CYFIP2: variants seen among roughly 807,000 people sequenced by gnomAD.
CYFIP2 encodes cytoplasmic FMR1 interacting protein 2, also known as cytoplasmic FMR1-interacting protein 2.
In CYFIP2, 29 loss-of-function variants were observed where a neutral mutation model predicts 158.7. The ratio of observed to expected loss-of-function variants is 0.18; its 90% CI spans 0.14 to 0.25. CYFIP2 has a LOEUF of 0.25. CYFIP2 is among the 10% of genes least tolerant of loss of function. The pLI is 1.00. For missense variants in CYFIP2, 852 were observed against 1,639.5 expected (o/e 0.52, Z 8.29); for synonymous variants, 585 against 617.6 (o/e 0.95, Z 0.78).
intron 21 of CYFIP2, among the ~76,000 whole-genome samples, chr5:157,338,818 C>G (rs1470339913): frequency 6.6e-6 from 1 of 152,208 alleles, no homozygotes; most frequent in African/African-American, 2.4e-5. Context: ...ACCTCCCCTT[C>G]CCCTACCTTG....
chr5:157,312,588 T>G (rs1759824613), intron 11 of CYFIP2, among the ~76,000 whole-genome samples: 1 of 152,224 alleles, frequency 6.6e-6, no homozygotes, highest in African/African-American at 2.4e-5. Flanking sequence ...GACCCACGTA[T>G]GCTCACTGCT....
chr5:157,314,319 G>C (rs368120441), intron 11 of CYFIP2, 25 bp from the exon 12 acceptor site: 1 of 1,610,606 alleles, frequency 6.2e-7, no homozygotes, highest in Admixed American at 1.7e-5. Context: ...CATAGACCAT[G>C]AGTATGACAC....
chr5:157,296,625 G>C, intron 4 of CYFIP2, 48 bp from the exon 5 acceptor site: 1 of 1,547,594 alleles, frequency 6.5e-7, no homozygotes, highest in Non-Finnish European at 8.9e-7. Flanking sequence ...ACAGTAATAA[G>C]ACAACAGGTG....
At chr5:157,353,611 C>T (rs1441997807) in intron 23 of CYFIP2, among the ~76,000 whole-genome samples, 1 of 152,184 alleles carries the variant, frequency 6.6e-6, no homozygotes, top group East Asian at 1.9e-4. Context: ...CAGTCCTTGG[C>T]ACTGTCTTGC....
chr5:157,330,858 G>A lies in CYFIP2; in HGVS notation c.2265+8G>A. 5 of 1,609,142 alleles carry A rather than the reference G, an allele frequency of 3.1e-6. No homozygotes were observed. Among genetic ancestry groups the A allele is most frequent in the Non-Finnish European group, 4.3e-6 (5 of 1,175,482 alleles). On this transcript the variant is annotated splice_region_variant and intron_variant, in intron 20 of 30. Coordinates refer to ENST00000620254, the MANE Select transcript of CYFIP2 (RefSeq NM_001037333.3). ...AAGCAGAGACACGTCCAGGTATGGG[G>A]AGCAGAAGCCACCTTGGAGATGGAA...
chr5:157,358,468 C>T (rs1249425636), intron 23 of CYFIP2, among the ~76,000 whole-genome samples: 2 of 152,200 alleles, frequency 1.3e-5, no homozygotes, highest in South Asian at 2.1e-4. Flanking sequence ...GGCTCGAAAA[C>T]TGTAGGTGGT....
At chr5:157,292,207 T>A (rs1757876955) in intron 3 of CYFIP2, among the ~76,000 whole-genome samples, 1 of 148,876 alleles carries the variant, frequency 6.7e-6, no homozygotes, top group Admixed American at 6.7e-5. Flanking sequence ...TTCTTTTTTC[T>A]TTTTTTATTT....
intron 21 of CYFIP2, among the ~76,000 whole-genome samples, chr5:157,334,053 T>C (rs1761677908): frequency 6.6e-6 from 1 of 152,230 alleles, no homozygotes; most frequent in African/African-American, 2.4e-5. Flanking sequence ...CAAAGGAAGA[T>C]TTCAGTGCCT....
chr5:157,326,856 C>A (rs1761063372), intron 18 of CYFIP2, among the ~76,000 whole-genome samples: 1 of 152,146 alleles, frequency 6.6e-6, no homozygotes, highest in African/African-American at 2.4e-5. Context: ...AAACACAGCG[C>A]TGGGGTTTTG....
At chr5:157,342,835 A>G (rs1762371512) in intron 23 of CYFIP2, 3 of 1,585,852 alleles carry the variant, frequency 1.9e-6, no homozygotes, top group Non-Finnish European at 1.7e-6. Context: ...TTTAGGCTAC[A>G]TGATGCGGGC....
chr5:157,287,040 G>T lies in CYFIP2; in HGVS notation c.139G>T (p.Glu47Ter). 1 of 1,613,404 alleles carries T rather than the reference G, an allele frequency of 6.2e-7. No homozygotes were observed. The highest frequency in any genetic ancestry group is 1.1e-5 in the South Asian group (1 of 91,058). ...ACAGGCTAACTTTGACACAAACTTT[G>T]AGGACAGGAATGCATTTGTCACGGG... The part of the protein sequence containing the change: ...MYQANFDTNF[E>*]DRNAFVTGIA... The change falls in exon 3 of 31, where the codon GAG (glutamate) becomes TAG (stop). Residue 47 changes from glutamate (E) to a stop codon, truncating the protein, a stop_gained. Coordinates refer to ENST00000620254, the MANE Select transcript of CYFIP2 (RefSeq NM_001037333.3). LOFTEE classifies it high-confidence loss of function.
At chr5:157,371,176 C>T (rs1434611081) in intron 26 of CYFIP2, among the ~76,000 whole-genome samples, 1 of 152,098 alleles carries the variant, frequency 6.6e-6, no homozygotes, top group Non-Finnish European at 1.5e-5. Flanking sequence ...TCTGTATCCT[C>T]GGGGCTTAAC....
intron 26 of CYFIP2, among the ~76,000 whole-genome samples, chr5:157,372,072 G>A (rs966535726): frequency 2.0e-5 from 3 of 152,124 alleles, no homozygotes; most frequent in Non-Finnish European, 2.9e-5. Context: ...GTTGAAGTTC[G>A]TTGTTTTTGT....
chr5:157,383,100 C>G lies in CYFIP2; in HGVS notation c.3113-165C>G, dbSNP rs1766290941. 4.9e-6 allele frequency: 3 copies of G among 614,662 alleles called. No individual in the cohort carries two copies. In the Admixed American group the frequency reaches 8.4e-5, roughly 17 times the overall value. The allele number at this position is 614,662 out of a possible 1,614,324, so 38.1% of individuals were successfully genotyped here. The stretch of plus-strand genomic sequence containing the variant: ...TTGGACAAATCATAGAACATTTTTC[C>G]TTGTAAAAACTACTCACACTTTCCA... On this transcript the variant is annotated intron_variant, in intron 27 of 30. Coordinates refer to ENST00000620254, the MANE Select transcript of CYFIP2 (RefSeq NM_001037333.3).
rs10073822 is a variant in CYFIP2, at chr5:157,395,222, G to A, written c.*2222G>A. The A allele has an allele frequency of 0.21, 46,359 of 220,614 alleles. 5,702 individuals carry two copies. Among genetic ancestry groups the A allele is most frequent in the African/African-American group, 0.36 (14,943 of 41,898 alleles). 13.7% of individuals were successfully genotyped at this position (220,614 alleles called of 1,614,324 possible). On this transcript the variant is annotated 3_prime_UTR_variant, in exon 31 of 31. Coordinates refer to ENST00000620254, the MANE Select transcript of CYFIP2 (RefSeq NM_001037333.3). ...TGGCTTGCCAGTGGCACTGATTTCC[G>A]AACACCCAATGAGTTTAATATTCTT... is the stretch of plus-strand genomic sequence containing the variant.
intron 23 of CYFIP2, among the ~76,000 whole-genome samples, chr5:157,349,571 T>C (rs1762935976): frequency 6.6e-6 from 1 of 152,256 alleles, no homozygotes; most frequent in African/African-American, 2.4e-5. Flanking sequence ...ATTGTGCTGC[T>C]ATAAACATGC....
At chr5:157,390,770 C>T (rs1197889294) in intron 30 of CYFIP2, 102 bp downstream of exon 30, 4 of 1,515,966 alleles carry the variant, frequency 2.6e-6, no homozygotes, top group Non-Finnish European at 3.6e-6. Flanking sequence ...AAGGCCAGCT[C>T]CCCACACGGC....
intron 23 of CYFIP2, chr5:157,342,645 G>C: frequency 2.0e-6 from 1 of 502,740 alleles, no homozygotes; most frequent in East Asian, 2.9e-5. Context: ...AGTGGACGCT[G>C]CTGCTGAGAT....
chr5:157,273,019 A>G (rs981902471), intron 1 of CYFIP2, among the ~76,000 whole-genome samples: 1 of 152,052 alleles, frequency 6.6e-6, no homozygotes, highest in Non-Finnish European at 1.5e-5. Flanking sequence ...GGCGTGTGCT[A>G]TGACACCTGG....
Sources: allele counts gnomAD v4.1 joint callset (sites outside exome capture counted in the v4.1 genomes callset), GRCh38; gene constraint gnomAD v4.1.1; transcripts MANE v1.5; gene names NCBI Gene and HGNC (gene_info 2026-07-23, HGNC 2026-07-21).